ANKRD17: variants seen among roughly 807,000 people sequenced by gnomAD.
The protein encoded by ANKRD17 is ankyrin repeat domain 17.
A neutral mutation model predicts 229.7 loss-of-function variants in ANKRD17; 19 were observed. The ratio of observed to expected loss-of-function variants is 0.08; its 90% CI spans 0.06 to 0.12. The LOEUF (loss-of-function observed/expected upper bound fraction) is 0.12, where lower values mean the gene tolerates loss of function less well. ANKRD17 is among the 10% of genes least tolerant of loss of function. ANKRD17 has a pLI of 1.00. For synonymous variants in ANKRD17, 1,112 were observed against 1,146.1 expected (o/e 0.97, Z 0.60); for missense variants, 2,176 against 3,176.8 (o/e 0.68, Z 7.57).
intron 29 of ANKRD17, among the ~76,000 whole-genome samples, chr4:73,086,556 A>T (rs1722146554): frequency 6.6e-6 from 1 of 151,986 alleles, no homozygotes; most frequent in Admixed American, 6.6e-5. Context: ...GGTTAAAAAT[A>T]CAGAAAAAAA....
intron 2 of ANKRD17, among the ~76,000 whole-genome samples, chr4:73,167,605 T>A (rs149395881): frequency 6.6e-6 from 1 of 152,202 alleles, no homozygotes; most frequent in Admixed American, 6.5e-5. Flanking sequence ...CATTCCCTGC[T>A]CCTCTGAGGT....
chr4:73,236,210 G>A (rs1743495904), intron 1 of ANKRD17, among the ~76,000 whole-genome samples: 1 of 151,880 alleles, frequency 6.6e-6, no homozygotes, highest in African/African-American at 2.4e-5. Flanking sequence ...AGACTGGAGT[G>A]CAGTGGTTCC....
At chr4:73,191,101 C>G (rs912858916) in intron 1 of ANKRD17, among the ~76,000 whole-genome samples, 1 of 151,676 alleles carries the variant, frequency 6.6e-6, no homozygotes, top group Non-Finnish European at 1.5e-5. Flanking sequence ...ACAAGAATTG[C>G]CAAAAAAATT....
chr4:73,144,709 C>G, intron 11 of ANKRD17, 36 bp downstream of exon 11: 4 of 1,449,286 alleles, frequency 2.8e-6, no homozygotes, highest in Non-Finnish European at 2.8e-6. Flanking sequence ...GGGTAGATAC[C>G]TTTCAAAAAA....
At chr4:73,243,046 A>T (rs1020282198) in intron 1 of ANKRD17, among the ~76,000 whole-genome samples, 1 of 152,156 alleles carries the variant, frequency 6.6e-6, no homozygotes. Flanking sequence ...CTAAAGGATG[A>T]GAAAAAACAA....
intron 27 of ANKRD17, among the ~76,000 whole-genome samples, chr4:73,096,708 A>C (rs1723339744): frequency 6.6e-6 from 1 of 152,192 alleles, no homozygotes; most frequent in Admixed American, 6.5e-5. Flanking sequence ...GCAAAACAAA[A>C]TATTTTTATC....
intron 1 of ANKRD17, among the ~76,000 whole-genome samples, chr4:73,182,085 A>T (rs1303022435): frequency 1.3e-5 from 2 of 149,296 alleles, no homozygotes; most frequent in Non-Finnish European, 1.5e-5. Context: ...AAAAAAAAAA[A>T]AAAAAAATTT....
In ANKRD17 at chr4:73,258,524, A is replaced by G; in HGVS notation, c.145T>C (p.Ser49Pro). 1 of 1,536,140 alleles carries G rather than the reference A, an allele frequency of 6.5e-7. No homozygotes were observed. The highest frequency in any genetic ancestry group is 8.7e-7 in the Non-Finnish European group (1 of 1,144,742). ...VGGSSRARSASSPRGMVRVCD... is the reference protein window; with the variant it reads ...VGGSSRARSAPSPRGMVRVCD... ...ACTCGCACCATCCCACGAGGAGACG[A>G]GGCCGAGCGAGCTCTGCTGCTGCCG... The change falls in exon 1 of 34, where the codon TCG (serine) becomes CCG (proline). Residue 49 changes from serine (S) to proline (P), a missense_variant. By Grantham distance (74) the Ser-to-Pro change is moderately conservative. Coordinates refer to ENST00000358602, the MANE Select transcript of ANKRD17 (RefSeq NM_032217.5).
rs752760695 is a variant in ANKRD17 at position 73,142,401 on chromosome 4, T to C, written c.2086-16A>G. On this transcript the variant is annotated splice_polypyrimidine_tract_variant and intron_variant, in intron 12 of 33. Transcript: ENST00000358602. ...TTGAGCCATCCTAAAAGAGTGAATA[T>C]GGAAGGGGAAAAAAAGTGAAGAAAA... The C allele has an allele frequency of 2.5e-6, 4 of 1,583,744 alleles. No homozygotes were observed. The South Asian group carries it at 3.6e-5, about 14-fold the overall frequency.
At position 73,125,040 on chromosome 4, in the gene ANKRD17, A is replaced by G; in HGVS notation, c.3365T>C (p.Leu1122Ser). The G allele has an allele frequency of 6.2e-7, 1 of 1,614,210 alleles. No individual in the cohort carries two copies. Among genetic ancestry groups the G allele is most frequent in the Non-Finnish European group, 8.5e-7 (1 of 1,180,026 alleles). Residue 1122 changes from leucine (L) to serine (S), a missense_variant, in exon 18 of 34, where the codon TTG (leucine) becomes TCG (serine). Leu to Ser is a moderately radical substitution (Grantham distance 145). Transcript: ENST00000358602. ...ACCAACATGACCAGCTGTGGCAGCC[A>G]AGATGAGTGGAGTAAAACCTGGAGA... is the stretch of plus-strand genomic sequence containing the variant. ...RDKKGFTPLI[L>S]AATAGHVGVV...
chr4:73,134,799 ATCT>A (rs1728681941), intron 16 of ANKRD17, among the ~76,000 whole-genome samples: 2 of 152,120 alleles, frequency 1.3e-5, no homozygotes, highest in African/African-American at 4.8e-5. Flanking sequence ...TTCAAACCAT[ATCT>A]TCTATTAATT....
In ANKRD17 at chr4:73,223,618, CT is replaced by C. The variant is rs551848919; in HGVS notation, c.393+34657del. ...TTATAAACTAATCTGCTTGTAAATA[CT>C]TATGAGAACCAGGTTAACATTCAAC... On this transcript the variant is annotated intron_variant, in intron 1 of 33. Coordinates refer to ENST00000358602, the MANE Select transcript of ANKRD17 (RefSeq NM_032217.5). Among the ~76,000 whole-genome samples the C allele has an allele frequency of 4.2e-3, 637 of 152,234 alleles. 4 individuals carry two copies. The highest frequency in any genetic ancestry group is 0.015 in the African/African-American group (614 of 41,548).
chr4:73,236,753 G>C (rs1743549905), intron 1 of ANKRD17, among the ~76,000 whole-genome samples: 1 of 152,040 alleles, frequency 6.6e-6, no homozygotes, highest in Non-Finnish European at 1.5e-5. Context: ...CAACACAGAA[G>C]GTAGTATAGT....
intron 1 of ANKRD17, among the ~76,000 whole-genome samples, chr4:73,226,846 C>G (rs1403664378): frequency 2.0e-5 from 3 of 152,148 alleles, no homozygotes; most frequent in Admixed American, 2.0e-4. Context: ...TCCCCAGTAG[C>G]TGGGACTACA....
intron 16 of ANKRD17, among the ~76,000 whole-genome samples, chr4:73,133,687 C>A (rs1419406633): frequency 3.3e-5 from 5 of 152,152 alleles, no homozygotes; most frequent in African/African-American, 1.2e-4. Context: ...AGCCACCACG[C>A]CCGGCCATCT....
chr4:73,095,876 G>C (rs1723242206), intron 27 of ANKRD17, among the ~76,000 whole-genome samples: 1 of 151,994 alleles, frequency 6.6e-6, no homozygotes, highest in Admixed American at 6.6e-5. Context: ...TTTTAGCAGA[G>C]ATGGGGTCTT....
chr4:73,157,487 A>G (rs537249569), intron 3 of ANKRD17, among the ~76,000 whole-genome samples: 1 of 152,344 alleles, frequency 6.6e-6, no homozygotes, highest in African/African-American at 2.4e-5. Flanking sequence ...AGACATTTCT[A>G]AAGATTCTCA....
intron 18 of ANKRD17, among the ~76,000 whole-genome samples, chr4:73,122,834 A>G (rs1726930640): frequency 6.6e-6 from 1 of 152,130 alleles, no homozygotes; most frequent in Non-Finnish European, 1.5e-5. Flanking sequence ...TAAACAGTAT[A>G]GTAGAAAACT....
At chr4:73,171,887 GAA>G in intron 2 of ANKRD17, among the ~76,000 whole-genome samples, 1 of 152,006 alleles carries the variant, frequency 6.6e-6, no homozygotes, top group South Asian at 2.1e-4. Flanking sequence ...ACAAAGAAAA[GAA>G]TAAAAAAGAA....
Sources: allele counts gnomAD v4.1 joint callset (sites outside exome capture counted in the v4.1 genomes callset), GRCh38; gene constraint gnomAD v4.1.1; transcripts MANE v1.5; gene names NCBI Gene and HGNC (gene_info 2026-07-23, HGNC 2026-07-21).